Variants in WDR44 observed in about 807,000 individuals in gnomAD.
WDR44 encodes WD repeat domain 44.
In WDR44, 9 loss-of-function variants were observed where a neutral mutation model predicts 65.7. The ratio of observed to expected loss-of-function variants is 0.14; its 90% CI spans 0.08 to 0.24. WDR44 has a LOEUF of 0.24. WDR44 is among the 10% of genes least tolerant of loss of function. The probability of loss-of-function intolerance (pLI) is 1.00; values close to 1 mark genes in which losing one functional copy is unlikely to be tolerated. For missense variants in WDR44, 425 were observed against 670.9 expected, an observed-to-expected ratio of 0.63 and a Z score of 4.05; for synonymous variants, 220 against 235.2, an observed-to-expected ratio of 0.94 and a Z score of 0.59.
At chrX:118,439,252 A>G (rs2057282635) in intron 14 of WDR44, among the ~76,000 whole-genome samples, 1 of 109,257 alleles carries the variant, frequency 9.2e-6, no homozygotes, top group South Asian at 4.1e-4. Context: ...TATAATGTTA[A>G]AGGAAGAAAG....
chrX:118,384,409 T>C (rs1165528080), intron 2 of WDR44, among the ~76,000 whole-genome samples: 1 of 111,943 alleles, frequency 8.9e-6, no homozygotes, highest in Non-Finnish European at 1.9e-5. Context: ...GATAATGTTT[T>C]CCCAGCACCA....
intron 12 of WDR44, among the ~76,000 whole-genome samples, chrX:118,411,940 A>G (rs982707768): frequency 9.8e-5 from 11 of 112,441 alleles, no homozygotes; most frequent in Non-Finnish European, 2.1e-4. Context: ...AGACACTGCT[A>G]CATGCTATAA....
chrX:118,435,861 C>T (rs1037776985), intron 13 of WDR44, among the ~76,000 whole-genome samples: 6 of 112,288 alleles, frequency 5.3e-5, no homozygotes, highest in African/African-American at 1.9e-4. Flanking sequence ...CATAGTGTTG[C>T]TATATAATGC....
chrX:118,361,623 G>C (rs1000027671), intron 1 of WDR44, among the ~76,000 whole-genome samples: 2 of 111,117 alleles, frequency 1.8e-5, no homozygotes, highest in African/African-American at 6.6e-5. Flanking sequence ...ATATGTGGTG[G>C]TGCATGCCTG....
Position 118,346,146 on chromosome X carries a change from T to A in WDR44, c.-358T>A, listed in dbSNP as rs1602839851. On this transcript the variant is annotated 5_prime_UTR_variant, in exon 1 of 20. Transcript: ENST00000254029. ...ACTAGCTCTTCCAGCTGCTGTAAAT[T>A]GCTGCTGCGGGAGAAACTGGAGCCG... 1.6e-5 allele frequency: 5 copies of A among 303,278 alleles called. No homozygotes were observed. In the East Asian group the frequency reaches 2.4e-4, roughly 14 times the overall value. The allele number at this position is 303,278 out of a possible 1,213,427, so 25.0% of individuals were successfully genotyped here. A position where few individuals can be genotyped will look rare whatever the true frequency, so the allele number is the denominator to read the frequency against.
intron 1 of WDR44, among the ~76,000 whole-genome samples, chrX:118,359,504 A>T (rs2683001): frequency 0.11 from 12,695 of 111,891 alleles, 661 homozygotes; most frequent in Admixed American, 0.25. Flanking sequence ...GCTGCACTAC[A>T]TACATCATTT....
intron 1 of WDR44, among the ~76,000 whole-genome samples, chrX:118,355,816 T>C (rs2683004): frequency 0.27 from 29,538 of 110,430 alleles, 3,310 homozygotes; most frequent in African/African-American, 0.4. Context: ...CCAGTCACCC[T>C]TAAACACACA....
At chrX:118,386,138 G>A (rs1267253624) in intron 2 of WDR44, among the ~76,000 whole-genome samples, 1 of 111,132 alleles carries the variant, frequency 9.0e-6, no homozygotes, top group Admixed American at 9.7e-5. Flanking sequence ...TTGTATAAGT[G>A]CCACCTAAAT....
intron 13 of WDR44, among the ~76,000 whole-genome samples, chrX:118,434,272 C>T (rs2057236165): frequency 9.0e-6 from 1 of 111,642 alleles, no homozygotes; most frequent in Non-Finnish European, 1.9e-5. Flanking sequence ...AGGACTGGTG[C>T]CAGCCTATAA....
At chrX:118,418,540 A>G (rs761578997) in intron 12 of WDR44, among the ~76,000 whole-genome samples, 1 of 111,401 alleles carries the variant, frequency 9.0e-6, no homozygotes, top group South Asian at 3.8e-4. Flanking sequence ...TGAACCGTCT[A>G]TGGGTCTCTC....
intron 12 of WDR44, among the ~76,000 whole-genome samples, chrX:118,425,603 A>T (rs1471865253): frequency 2.7e-5 from 3 of 109,561 alleles, no homozygotes; most frequent in Admixed American, 9.7e-5. Flanking sequence ...AGCCAAGATC[A>T]CACCACTGCA....
chrX:118,422,603 A>C (rs897655715), intron 12 of WDR44, among the ~76,000 whole-genome samples: 2 of 109,187 alleles, frequency 1.8e-5, no homozygotes, highest in African/African-American at 3.3e-5. Flanking sequence ...GGGGCAGGAG[A>C]ATTGCTTCAA....
chrX:118,437,619 T>C (rs891198600), intron 14 of WDR44, among the ~76,000 whole-genome samples: 5 of 112,265 alleles, frequency 4.5e-5, no homozygotes, highest in African/African-American at 1.6e-4. Context: ...CTTTTTAATG[T>C]AACATTTTAA....
At chrX:118,408,383 C>T (rs2056985258) in intron 10 of WDR44, among the ~76,000 whole-genome samples, 1 of 97,126 alleles carries the variant, frequency 1.0e-5, no homozygotes, top group African/African-American at 4.4e-5. Flanking sequence ...CCACACCACT[C>T]CAATACAACT....
intron 1 of WDR44, among the ~76,000 whole-genome samples, chrX:118,349,046 C>T (rs1422897632): frequency 2.7e-5 from 3 of 111,626 alleles, no homozygotes; most frequent in Admixed American, 9.5e-5. Flanking sequence ...ATGATGTCTT[C>T]GGCTTTGTTA....
At chrX:118,410,577 T>C (rs2057004851) in intron 11 of WDR44, among the ~76,000 whole-genome samples, 1 of 111,712 alleles carries the variant, frequency 9.0e-6, no homozygotes, top group Non-Finnish European at 1.9e-5. Flanking sequence ...GCCCTGAACC[T>C]TTCTGCTCCT....
chrX:118,424,281 A>ATATATATGTG (rs760975610), intron 12 of WDR44, among the ~76,000 whole-genome samples: 2 of 92,755 alleles, frequency 2.2e-5, no homozygotes, highest in African/African-American at 4.4e-5. Flanking sequence ...ATATATATAT[A>ATATATATGTG]TGTGTGTGTG....
At chrX:118,381,556 C>A (rs1167326544) in intron 2 of WDR44, among the ~76,000 whole-genome samples, 1 of 101,010 alleles carries the variant, frequency 9.9e-6, no homozygotes, top group Non-Finnish European at 2.0e-5. Context: ...CTTTTCTTTT[C>A]TTTTCTTTCG....
intron 12 of WDR44, among the ~76,000 whole-genome samples, chrX:118,430,194 GT>G (rs201065574): frequency 4.5e-4 from 44 of 97,395 alleles, no homozygotes; most frequent in Admixed American, 6.8e-4. Flanking sequence ...TAATTTTTCT[GT>G]TTTTTTTTTT....
Sources: allele counts gnomAD v4.1 joint callset (sites outside exome capture counted in the v4.1 genomes callset), GRCh38; gene constraint gnomAD v4.1.1; transcripts MANE v1.5; gene names NCBI Gene and HGNC (gene_info 2026-07-23, HGNC 2026-07-21).